The following MALRD1 variants were observed in gnomAD, a reference collection of about 807,000 sequenced individuals.
MALRD1 encodes the protein MAM and LDL-receptor class A domain-containing protein 1.
A neutral mutation model predicts 242.1 loss-of-function variants in MALRD1; 247 were observed. That is an observed-to-expected ratio of 1.02 (90% CI 0.92 to 1.13). MALRD1 has a LOEUF of 1.13. Ranked by LOEUF, MALRD1 falls within the 50% of genes most tolerant of loss-of-function variation. MALRD1 has a pLI of 0.00. For synonymous variants in MALRD1, 995 were observed against 866.6 expected (o/e 1.15, Z -2.60); for missense variants, 2,989 against 2,533.1 (o/e 1.18, Z -3.86).
At chr10:19,513,167 G>C (rs1011355452) in intron 31 of MALRD1, among the ~76,000 whole-genome samples, 1 of 152,090 alleles carries the variant, frequency 6.6e-6, no homozygotes, top group Non-Finnish European at 1.5e-5. Flanking sequence ...CCTAGTGAGA[G>C]GTGCTTGGGT....
At chr10:19,527,275 A>C (rs1174601264) in intron 31 of MALRD1, among the ~76,000 whole-genome samples, 2 of 152,182 alleles carry the variant, frequency 1.3e-5, no homozygotes, top group African/African-American at 4.8e-5. Context: ...ATTTGGTTAG[A>C]CTTAATTCAG....
chr10:19,397,973 A>G (rs895150105), intron 28 of MALRD1, among the ~76,000 whole-genome samples: 5 of 151,306 alleles, frequency 3.3e-5, no homozygotes, highest in East Asian at 1.9e-4. Context: ...AGACTCATGT[A>G]TATTAAGGTC....
At chr10:19,444,498 G>T (rs1174844196) in intron 28 of MALRD1, among the ~76,000 whole-genome samples, 2 of 152,112 alleles carry the variant, frequency 1.3e-5, no homozygotes, top group Admixed American at 1.3e-4. Context: ...TGTAAGGCAG[G>T]CTTGGTGGTG....
At chr10:19,461,896 C>G (rs556024102) in intron 29 of MALRD1, among the ~76,000 whole-genome samples, 2 of 152,116 alleles carry the variant, frequency 1.3e-5, no homozygotes, top group Non-Finnish European at 2.9e-5. Context: ...CTTTACCGTA[C>G]ATAAAGAAAA....
At chr10:19,710,813 C>A (rs989264181) in intron 38 of MALRD1, 2 of 152,164 alleles carry the variant, frequency 1.3e-5, no homozygotes, top group African/African-American at 4.8e-5. Flanking sequence ...CACAGTAAAT[C>A]TTACACAGCA....
chr10:19,216,752 T>C (rs1429565939), intron 18 of MALRD1, among the ~76,000 whole-genome samples: 1 of 151,570 alleles, frequency 6.6e-6, no homozygotes, highest in African/African-American at 2.4e-5. Context: ...GAGACCATCC[T>C]GGCTAACACG....
At chr10:19,477,900 T>G (rs1194969339) in intron 29 of MALRD1, among the ~76,000 whole-genome samples, 1 of 152,148 alleles carries the variant, frequency 6.6e-6, no homozygotes, top group Non-Finnish European at 1.5e-5. Flanking sequence ...GTACACATGG[T>G]TGACAAAAGG....
At chr10:19,614,360 G>A (rs1286717215) in intron 35 of MALRD1, among the ~76,000 whole-genome samples, 1 of 151,944 alleles carries the variant, frequency 6.6e-6, no homozygotes, top group Non-Finnish European at 1.5e-5. Flanking sequence ...ACATTTTATA[G>A]GGACTCAGAA....
chr10:19,253,786 C>T (rs1759323334), intron 18 of MALRD1, among the ~76,000 whole-genome samples: 1 of 151,866 alleles, frequency 6.6e-6, no homozygotes, highest in Non-Finnish European at 1.5e-5. Context: ...CCTTTTACAC[C>T]CCCAGCTCCT....
At chr10:19,402,265 C>T (rs1439355056) in intron 28 of MALRD1, among the ~76,000 whole-genome samples, 1 of 152,136 alleles carries the variant, frequency 6.6e-6, no homozygotes, top group African/African-American at 2.4e-5. Context: ...TCATGGGCAA[C>T]GTAGCAAGAC....
chr10:19,311,833 C>G (rs1253649701), intron 21 of MALRD1, among the ~76,000 whole-genome samples: 1 of 151,484 alleles, frequency 6.6e-6, no homozygotes, highest in Admixed American at 6.6e-5. Context: ...AAATTTCCAT[C>G]TCACTGCTAG....
At chr10:19,399,066 T>G (rs1245417898) in intron 28 of MALRD1, among the ~76,000 whole-genome samples, 1 of 152,156 alleles carries the variant, frequency 6.6e-6, no homozygotes, top group Non-Finnish European at 1.5e-5. Flanking sequence ...ATTGTCATCT[T>G]AGGTATTATA....
chr10:19,120,830 G>C (rs967758717), intron 5 of MALRD1, among the ~76,000 whole-genome samples: 1 of 152,072 alleles, frequency 6.6e-6, no homozygotes, highest in African/African-American at 2.4e-5. Flanking sequence ...CTGCAACCCT[G>C]CCTCCCGGGT....
At chr10:19,677,446 T>G (rs956947733) in intron 36 of MALRD1, among the ~76,000 whole-genome samples, 1 of 152,224 alleles carries the variant, frequency 6.6e-6, no homozygotes, top group African/African-American at 2.4e-5. Context: ...ATATGTTTGT[T>G]GGCTGCATAA....
intron 35 of MALRD1, among the ~76,000 whole-genome samples, chr10:19,610,922 GC>G (rs1838865941): frequency 6.6e-6 from 1 of 151,932 alleles, no homozygotes. Context: ...CACATAGCAG[GC>G]CTTACGTAAA....
chr10:19,673,279 C>T (rs1842003740), intron 36 of MALRD1, among the ~76,000 whole-genome samples: 1 of 152,096 alleles, frequency 6.6e-6, no homozygotes, highest in South Asian at 2.1e-4. Context: ...CCCAGCTTCT[C>T]AGGAGGCTGA....
chr10:19,270,177 A>G (rs1487031140), intron 19 of MALRD1, among the ~76,000 whole-genome samples: 4 of 152,082 alleles, frequency 2.6e-5, no homozygotes, highest in East Asian at 1.9e-4. Context: ...TTAGATGGGC[A>G]TGGTGGTAGG....
At chr10:19,581,940 G>A (rs1399888900) in intron 33 of MALRD1, among the ~76,000 whole-genome samples, 1 of 152,160 alleles carries the variant, frequency 6.6e-6, no homozygotes, top group Non-Finnish European at 1.5e-5. Flanking sequence ...GTATCTCATT[G>A]TGGTTTTGAT....
chr10:19,215,944 G>C (rs1837294134), intron 18 of MALRD1, among the ~76,000 whole-genome samples: 1 of 151,170 alleles, frequency 6.6e-6, no homozygotes, highest in Non-Finnish European at 1.5e-5. Context: ...AACTTTTTAA[G>C]GCCTCTCATG....
Sources: allele counts gnomAD v4.1 joint callset (sites outside exome capture counted in the v4.1 genomes callset), GRCh38; gene constraint gnomAD v4.1.1; transcripts MANE v1.5; gene names NCBI Gene and HGNC (gene_info 2026-07-23, HGNC 2026-07-21).